Variants in DYM observed in about 807,000 individuals in gnomAD.
DYM encodes the protein dyggve-Melchior-Clausen syndrome protein.
DYM carries 78 observed loss-of-function variants against 93.1 expected under a neutral mutation model. The observed-to-expected ratio is 0.84, with a 90% confidence interval of 0.70 to 1.01. DYM has a LOEUF of 1.01. DYM is among the 50% of genes least tolerant of loss of function. The pLI, the probability that DYM is intolerant of heterozygous loss-of-function variation, is 0.00. For synonymous variants in DYM, 321 were observed against 319.7 expected (o/e 1.00, Z -0.04); for missense variants, 789 against 845.0 (o/e 0.93, Z 0.82).
intron 14 of DYM, among the ~76,000 whole-genome samples, chr18:49,185,603 A>G (rs2090361466): frequency 6.6e-6 from 1 of 152,262 alleles, no homozygotes; most frequent in Non-Finnish European, 1.5e-5. Context: ...TAAATTGAAA[A>G]TATGCTAACT....
chr18:49,111,212 C>T (rs1018224189), intron 16 of DYM, among the ~76,000 whole-genome samples: 8 of 151,656 alleles, frequency 5.3e-5, no homozygotes, highest in Admixed American at 3.9e-4. Flanking sequence ...TTAAACAACC[C>T]TTTAAAAATG....
intron 14 of DYM, among the ~76,000 whole-genome samples, chr18:49,187,447 G>A (rs1470849202): frequency 6.6e-6 from 1 of 152,200 alleles, no homozygotes; most frequent in Admixed American, 6.5e-5. Flanking sequence ...TAGTGAGCTA[G>A]TATAATGAGC....
At chr18:49,329,200 C>T (rs1050884266) in intron 8 of DYM, among the ~76,000 whole-genome samples, 9 of 149,070 alleles carry the variant, frequency 6.0e-5, no homozygotes, top group African/African-American at 7.4e-5. Context: ...AACCAAACAC[C>T]GCATGTTCTC....
At chr18:49,141,348 C>T (rs750609804) in intron 15 of DYM, among the ~76,000 whole-genome samples, 18 of 152,158 alleles carry the variant, frequency 1.2e-4, no homozygotes, top group Non-Finnish European at 2.1e-4. Context: ...TGCCCAAAAT[C>T]CTTCAATGAC....
intron 17 of DYM, among the ~76,000 whole-genome samples, chr18:49,085,554 C>G (rs1025921038): frequency 1.5e-4 from 21 of 140,228 alleles, no homozygotes; most frequent in African/African-American, 5.5e-4. Flanking sequence ...AACATTTGGA[C>G]AAATCTAACA....
intron 16 of DYM, among the ~76,000 whole-genome samples, chr18:49,114,854 A>G (rs1420276145): frequency 1.3e-5 from 2 of 152,188 alleles, no homozygotes; most frequent in African/African-American, 4.8e-5. Flanking sequence ...CTGATGGAAT[A>G]AAGACTGATT....
At chr18:49,130,206 G>T (rs1455492735) in intron 15 of DYM, among the ~76,000 whole-genome samples, 1 of 152,130 alleles carries the variant, frequency 6.6e-6, no homozygotes, top group Non-Finnish European at 1.5e-5. Context: ...GCTGAAAACG[G>T]AGTAGTAAAG....
At chr18:49,398,885 T>C (rs941296362) in intron 2 of DYM, among the ~76,000 whole-genome samples, 1 of 152,180 alleles carries the variant, frequency 6.6e-6, no homozygotes, top group Non-Finnish European at 1.5e-5. Context: ...AAAAGAGGTA[T>C]AAAATGCAAA....
At chr18:49,453,715 T>C (rs925397296) in intron 1 of DYM, among the ~76,000 whole-genome samples, 1 of 152,206 alleles carries the variant, frequency 6.6e-6, no homozygotes, top group Non-Finnish European at 1.5e-5. Context: ...ATTATCCTGA[T>C]AGCAGGGATA....
chr18:49,344,391 T>C (rs1431329897), intron 6 of DYM, among the ~76,000 whole-genome samples: 1 of 152,136 alleles, frequency 6.6e-6, no homozygotes. Context: ...GACTTTGTTA[T>C]TCTTGATTGT....
chr18:49,133,539 A>G (rs1329037457), intron 15 of DYM, among the ~76,000 whole-genome samples: 2 of 152,196 alleles, frequency 1.3e-5, no homozygotes, highest in Non-Finnish European at 2.9e-5. Context: ...ATCTCTTCTG[A>G]GTTCATTCAG....
intron 14 of DYM, among the ~76,000 whole-genome samples, chr18:49,165,325 G>A (rs2087729980): frequency 1.3e-5 from 2 of 152,034 alleles, no homozygotes; most frequent in Non-Finnish European, 2.9e-5. Context: ...AATAAAGAAA[G>A]GATTCTTCTT....
intron 8 of DYM, among the ~76,000 whole-genome samples, chr18:49,310,009 G>A (rs2061496278): frequency 2.0e-5 from 3 of 152,200 alleles, no homozygotes; most frequent in South Asian, 2.1e-4. Context: ...CAGCATGGAC[G>A]CGTGCAGCAC....
chr18:49,202,950 G>A (rs1208497910), intron 14 of DYM, among the ~76,000 whole-genome samples: 2 of 130,102 alleles, frequency 1.5e-5, no homozygotes, highest in African/African-American at 5.7e-5. Context: ...CCGGGAGGGA[G>A]GTGAGGGGTC....
intron 14 of DYM, among the ~76,000 whole-genome samples, chr18:49,186,920 C>CTTTTTT (rs57080617): frequency 7.6e-5 from 9 of 117,824 alleles, no homozygotes; most frequent in Non-Finnish European, 1.0e-4. Flanking sequence ...ACACAATCTT[C>CTTTTTT]TTTTTTTTTT....
At chr18:49,145,440 T>C (rs987914732) in intron 15 of DYM, among the ~76,000 whole-genome samples, 1 of 152,130 alleles carries the variant, frequency 6.6e-6, no homozygotes, top group Non-Finnish European at 1.5e-5. Flanking sequence ...CATAATCATG[T>C]AAAACATTTA....
chr18:49,160,767 C>T, intron 15 of DYM, among the ~76,000 whole-genome samples: 1 of 152,088 alleles, frequency 6.6e-6, no homozygotes. Flanking sequence ...TTCATTTTCC[C>T]AGTTAATGAC....
At chr18:49,337,161 T>A (rs1286112345) in intron 6 of DYM, among the ~76,000 whole-genome samples, 1 of 152,180 alleles carries the variant, frequency 6.6e-6, no homozygotes. Flanking sequence ...GGAAGAAGAA[T>A]GCTGAGGTCA....
intron 15 of DYM, among the ~76,000 whole-genome samples, chr18:49,153,846 T>C (rs554295301): frequency 6.6e-6 from 1 of 152,130 alleles, no homozygotes. Context: ...GTGGGAAAAT[T>C]TGTAAGCAGA....
Sources: allele counts gnomAD v4.1 joint callset (sites outside exome capture counted in the v4.1 genomes callset), GRCh38; gene constraint gnomAD v4.1.1; transcripts MANE v1.5; gene names NCBI Gene and HGNC (gene_info 2026-07-23, HGNC 2026-07-21).